The following LRMDA variants were observed in gnomAD, a reference collection of about 807,000 sequenced individuals.
The protein encoded by LRMDA is leucine rich melanocyte differentiation associated.
In LRMDA, 18 loss-of-function variants were observed where a neutral mutation model predicts 29.8. That is an observed-to-expected ratio of 0.60 (90% CI 0.42 to 0.90). The LOEUF is 0.90. Among genes scored for constraint, LRMDA ranks in the 40% least tolerant of loss-of-function variants. LRMDA has a pLI of 0.00. For missense variants in LRMDA, 273 were observed against 273.9 expected (o/e 1.00, Z 0.02); for synonymous variants, 125 against 109.4 (o/e 1.14, Z -0.89).
At chr10:76,290,602 A>C (rs1840328402) in intron 5 of LRMDA, among the ~76,000 whole-genome samples, 1 of 151,646 alleles carries the variant, frequency 6.6e-6, no homozygotes, top group South Asian at 2.1e-4. Context: ...TTATATTTTT[A>C]GTAGAGACAG....
intron 6 of LRMDA, among the ~76,000 whole-genome samples, chr10:76,460,108 G>A (rs757839114): frequency 6.6e-6 from 1 of 152,208 alleles, no homozygotes; most frequent in Non-Finnish European, 1.5e-5. Flanking sequence ...TGACTGGCCT[G>A]TGACATCTCT....
At chr10:75,949,437 G>A (rs1452659964) in intron 2 of LRMDA, among the ~76,000 whole-genome samples, 8 of 152,168 alleles carry the variant, frequency 5.3e-5, no homozygotes, top group African/African-American at 1.9e-4. Flanking sequence ...AAGTCTCAGG[G>A]GATAGCCATG....
chr10:75,812,804 G>C (rs1267384907), intron 2 of LRMDA, among the ~76,000 whole-genome samples: 1 of 152,196 alleles, frequency 6.6e-6, no homozygotes, highest in Non-Finnish European at 1.5e-5. Context: ...TGTTCTATAT[G>C]CTTGGGGGCC....
chr10:76,424,730 G>A (rs956295040), intron 6 of LRMDA, among the ~76,000 whole-genome samples: 2 of 152,198 alleles, frequency 1.3e-5, no homozygotes, highest in African/African-American at 4.8e-5. Flanking sequence ...GGCAAAGAAT[G>A]TGCTCAGGAT....
intron 5 of LRMDA, among the ~76,000 whole-genome samples, chr10:76,081,780 C>T (rs1849053053): frequency 6.6e-6 from 1 of 152,114 alleles, no homozygotes; most frequent in Admixed American, 6.5e-5. Flanking sequence ...TGTATGTACA[C>T]ACATACATGC....
chr10:76,337,375 G>C (rs1047962946), intron 6 of LRMDA, among the ~76,000 whole-genome samples: 3 of 152,228 alleles, frequency 2.0e-5, no homozygotes, highest in Non-Finnish European at 4.4e-5. Context: ...GCATGAGAGA[G>C]TATGTGTTGG....
In LRMDA at chr10:76,298,599, G is replaced by C. The variant is rs547907687; in HGVS notation, c.517-25802G>C. On this transcript the variant is annotated intron_variant, in intron 5 of 6. Transcript: ENST00000611255. The stretch of plus-strand genomic sequence containing the variant: ...TTCACATAGGCACCCATGACGTGCC[G>C]TGCAACCCTAAGAGGCCTGGGGTAG... Among the ~76,000 whole-genome samples the C allele has an allele frequency of 2.0e-3, 300 of 152,264 alleles. 2 individuals are homozygous for C. The highest frequency in any genetic ancestry group is 6.8e-3 in the Middle Eastern group (2 of 294).
chr10:75,551,425 G>C (rs59584141), intron 2 of LRMDA, among the ~76,000 whole-genome samples: 15,853 of 151,940 alleles, frequency 0.1, 2,622 homozygotes, highest in African/African-American at 0.35. Context: ...ATGGTGGTTT[G>C]CTGCACTCAT....
At chr10:75,986,951 T>A (rs1462179546) in intron 2 of LRMDA, among the ~76,000 whole-genome samples, 1 of 152,230 alleles carries the variant, frequency 6.6e-6, no homozygotes, top group African/African-American at 2.4e-5. Context: ...GCTACATCAT[T>A]AATTGTGTGA....
chr10:75,929,302 T>G (rs1466569911), intron 2 of LRMDA, among the ~76,000 whole-genome samples: 1 of 152,098 alleles, frequency 6.6e-6, no homozygotes, highest in Non-Finnish European at 1.5e-5. Context: ...TCTATGTGTG[T>G]GTGTGTGTGT....
intron 5 of LRMDA, among the ~76,000 whole-genome samples, chr10:76,158,713 A>G (rs1432458043): frequency 1.3e-5 from 2 of 152,220 alleles, no homozygotes; most frequent in South Asian, 2.1e-4. Context: ...CTGAATTCTT[A>G]TCTCATACTG....
intron 6 of LRMDA, among the ~76,000 whole-genome samples, chr10:76,401,815 G>A (rs1841852017): frequency 6.6e-6 from 1 of 152,140 alleles, no homozygotes; most frequent in South Asian, 2.1e-4. Context: ...AGACAAACAG[G>A]AAAAGCTTTT....
At chr10:75,810,893 C>A (rs890458459) in intron 2 of LRMDA, among the ~76,000 whole-genome samples, 2 of 152,168 alleles carry the variant, frequency 1.3e-5, no homozygotes, top group Non-Finnish European at 2.9e-5. Context: ...TTGCAAACAT[C>A]CTGTAAAGAA....
intron 3 of LRMDA, among the ~76,000 whole-genome samples, chr10:76,039,957 A>T (rs1488899205): frequency 6.6e-6 from 1 of 152,226 alleles, no homozygotes; most frequent in African/African-American, 2.4e-5. Context: ...TTCTGAGTTT[A>T]GAATGGTTCT....
At position 76,271,368 on chromosome 10, in the gene LRMDA, A is replaced by G. The variant is rs906732334; in HGVS notation, c.517-53033A>G. ...GGTTGCAGTAAGTCAAGATCATGCC[A>G]CTGCACTCCAGCCTGGGCAGCAGAG... On this transcript the variant is annotated intron_variant, in intron 5 of 6. Transcript: ENST00000611255. Among the ~76,000 whole-genome samples, 3 of 152,040 alleles carry G rather than the reference A, an allele frequency of 2.0e-5. No individual in the cohort carries two copies. The East Asian group carries it at 5.8e-4, about 29-fold the overall frequency.
chr10:76,324,354 T>G, intron 5 of LRMDA, 47 bp from the exon 6 acceptor site: 1 of 1,500,118 alleles, frequency 6.7e-7, no homozygotes, highest in Non-Finnish European at 9.3e-7. Context: ...GTATTTGGTA[T>G]TTGGTGTTTG....
At chr10:76,013,388 A>G (rs1405665102) in intron 2 of LRMDA, among the ~76,000 whole-genome samples, 3 of 150,974 alleles carry the variant, frequency 2.0e-5, no homozygotes, top group East Asian at 3.9e-4. Flanking sequence ...GGGGCTTCTG[A>G]TGGTAGACTT....
intron 2 of LRMDA, among the ~76,000 whole-genome samples, chr10:75,835,877 G>A (rs1844425838): frequency 6.6e-6 from 1 of 152,184 alleles, no homozygotes; most frequent in Non-Finnish European, 1.5e-5. Flanking sequence ...AGCCAAAATG[G>A]TGCTGCAGTT....
chr10:75,832,429 A>G (rs764398577), intron 2 of LRMDA, among the ~76,000 whole-genome samples: 2 of 152,210 alleles, frequency 1.3e-5, no homozygotes, highest in South Asian at 2.1e-4. Context: ...TGCATTGTCC[A>G]TATCATTATC....
Sources: allele counts gnomAD v4.1 joint callset (sites outside exome capture counted in the v4.1 genomes callset), GRCh38; gene constraint gnomAD v4.1.1; transcripts MANE v1.5; gene names NCBI Gene and HGNC (gene_info 2026-07-23, HGNC 2026-07-21).